The following GOLPH3L variants were observed in gnomAD, a reference collection of about 807,000 sequenced individuals.
GOLPH3L encodes the protein golgi phosphoprotein 3 like, also known as Golgi phosphoprotein 3-like.
A neutral mutation model predicts 30.3 loss-of-function variants in GOLPH3L; 22 were observed. The observed-to-expected ratio is 0.73, with a 90% CI of 0.52 to 1.04. The LOEUF (loss-of-function observed/expected upper bound fraction) is 1.04. Ranked by LOEUF, GOLPH3L falls within the 50% of genes least tolerant of loss-of-function variation. The probability of loss-of-function intolerance (pLI) is 0.00; values close to 1 mark genes in which losing one functional copy is unlikely to be tolerated. For missense variants in GOLPH3L, 303 were observed against 345.8 expected, an observed-to-expected ratio of 0.88 and a Z score of 0.98; for synonymous variants, 120 against 128.2, an observed-to-expected ratio of 0.94 and a Z score of 0.43.
In GOLPH3L at chr1:150,673,653, G is replaced by A. The variant is rs587609974; in HGVS notation, c.184-9890C>T. ...GAGCAAAAATTTGAAAACAGGCCAG[G>A]CTCAGTGGCTCACGCCAGTAATCCT... On this transcript the variant is annotated intron_variant, in intron 2 of 4. Transcript: ENST00000271732. 3.3e-5 allele frequency among the ~76,000 whole-genome samples: 5 copies of A among 152,190 alleles called. No homozygotes were observed. In the South Asian group the frequency reaches 1.0e-3, roughly 32 times the overall value.
chr1:150,684,980 T>C (rs1330834321), intron 2 of GOLPH3L, among the ~76,000 whole-genome samples: 1 of 152,188 alleles, frequency 6.6e-6, no homozygotes, highest in Non-Finnish European at 1.5e-5. Context: ...AATATGATAA[T>C]TATAATTAAA....
At chr1:150,670,513 C>T (rs2101798491) in intron 2 of GOLPH3L, among the ~76,000 whole-genome samples, 1 of 152,158 alleles carries the variant, frequency 6.6e-6, no homozygotes, top group South Asian at 2.1e-4. Context: ...AGGAGAATGG[C>T]ATGAACCCAG....
At chr1:150,691,385 G>T (rs1191337472) in intron 2 of GOLPH3L, among the ~76,000 whole-genome samples, 1 of 151,894 alleles carries the variant, frequency 6.6e-6, no homozygotes, top group Non-Finnish European at 1.5e-5. Context: ...GCATGGTGGC[G>T]GGTGCCTGTA....
At chr1:150,655,758 G>A (rs914424745) in intron 4 of GOLPH3L, among the ~76,000 whole-genome samples, 4 of 152,092 alleles carry the variant, frequency 2.6e-5, no homozygotes, top group Admixed American at 6.6e-5. Flanking sequence ...TCCAGTTTTC[G>A]CAATTAAGAA....
At chr1:150,662,762 A>T (rs1343119245) in intron 3 of GOLPH3L, among the ~76,000 whole-genome samples, 2 of 152,208 alleles carry the variant, frequency 1.3e-5, no homozygotes, top group Non-Finnish European at 2.9e-5. Flanking sequence ...AAAGTGATAA[A>T]AAGTGTCAAA....
chr1:150,663,557 C>A, intron 3 of GOLPH3L, 75 bp downstream of exon 3: 3 of 1,352,214 alleles, frequency 2.2e-6, no homozygotes. Context: ...CTACTCAAAT[C>A]TTTCTATTCT....
rs757557708 is a variant in GOLPH3L, at chr1:150,695,816, G to A, written c.-12-966C>T. ...AGTAAACTTAGCAGCTCTAGTCCTA[G>A]CTAGCCATATCTTGCAAATACACAA... On this transcript the variant is annotated intron_variant, in intron 1 of 4. Coordinates refer to ENST00000271732, the MANE Select transcript of GOLPH3L (RefSeq NM_018178.6). 3.6e-3 allele frequency among the ~76,000 whole-genome samples: 546 copies of A among 152,048 alleles called. 3 individuals are homozygous for A. Among genetic ancestry groups the A allele is most frequent in the Non-Finnish European group, 6.3e-3 (429 of 68,004 alleles).
At chr1:150,688,980 A>C (rs911178019) in intron 2 of GOLPH3L, among the ~76,000 whole-genome samples, 3 of 152,064 alleles carry the variant, frequency 2.0e-5, no homozygotes, top group African/African-American at 7.2e-5. Flanking sequence ...ATGCCACTAA[A>C]CCATAAATTG....
intron 2 of GOLPH3L, among the ~76,000 whole-genome samples, chr1:150,674,614 C>T (rs1650727958): frequency 6.6e-6 from 1 of 151,864 alleles, no homozygotes; most frequent in Non-Finnish European, 1.5e-5. Flanking sequence ...GTGGCTCCTA[C>T]CTATAATCCC....
Position 150,648,101 on chromosome 1 carries a change from A to C in GOLPH3L, c.*220T>G. The C allele has an allele frequency of 2.2e-6, 1 of 454,028 alleles. No individual in the cohort carries two copies. The highest frequency in any genetic ancestry group is 3.9e-6 in the Non-Finnish European group (1 of 258,278). 28.1% of individuals were successfully genotyped at this position (454,028 alleles called of 1,614,324 possible). ...TCATTGGGTGTGTGTGGCTTCACCC[A>C]GTTTATTTACCTATGGAGTGGAAGT... On this transcript the variant is annotated 3_prime_UTR_variant, in exon 5 of 5. Coordinates refer to ENST00000271732, the MANE Select transcript of GOLPH3L (RefSeq NM_018178.6).
intron 2 of GOLPH3L, among the ~76,000 whole-genome samples, chr1:150,691,998 T>G (rs189743383): frequency 3.9e-5 from 6 of 152,226 alleles, no homozygotes; most frequent in Admixed American, 3.3e-4. Flanking sequence ...TTTTTGTCTC[T>G]CCAGCTAGAA....
chr1:150,687,492 T>C (rs587750257), intron 2 of GOLPH3L, among the ~76,000 whole-genome samples: 4 of 152,018 alleles, frequency 2.6e-5, no homozygotes, highest in East Asian at 1.9e-4. Flanking sequence ...CACAGGAGAA[T>C]TGAACGCGGG....
At chr1:150,673,068 G>A (rs1467425256) in intron 2 of GOLPH3L, among the ~76,000 whole-genome samples, 2 of 152,018 alleles carry the variant, frequency 1.3e-5, no homozygotes, top group Non-Finnish European at 2.9e-5. Flanking sequence ...AAAGGGAAAT[G>A]CAAAATAAAG....
chr1:150,672,033 G>GA (rs1381192279), intron 2 of GOLPH3L, among the ~76,000 whole-genome samples: 1 of 151,852 alleles, frequency 6.6e-6, no homozygotes, highest in Non-Finnish European at 1.5e-5. Context: ...TCTACAGTGA[G>GA]AAAATATCAC....
intron 2 of GOLPH3L, among the ~76,000 whole-genome samples, chr1:150,672,533 C>T (rs919174316): frequency 2.6e-5 from 4 of 152,130 alleles, no homozygotes; most frequent in Admixed American, 6.6e-5. Context: ...CAGGTTCAAG[C>T]GATTCTCCTG....
intron 2 of GOLPH3L, among the ~76,000 whole-genome samples, chr1:150,689,038 A>G (rs1315155854): frequency 6.6e-6 from 1 of 152,134 alleles, no homozygotes. Flanking sequence ...TCTATGACAT[A>G]TGAGTCATTC....
intron 2 of GOLPH3L, among the ~76,000 whole-genome samples, chr1:150,693,797 ATGTG>A (rs796936730): frequency 1.6e-4 from 10 of 60,964 alleles, no homozygotes; most frequent in African/African-American, 7.0e-4. Flanking sequence ...TTGTTTATGT[ATGTG>A]TGTGTGTGTG....
chr1:150,648,264 T>C lies in GOLPH3L; in HGVS notation c.*57A>G, dbSNP rs1264139048. On this transcript the variant is annotated 3_prime_UTR_variant, in exon 5 of 5. Coordinates refer to ENST00000271732, the MANE Select transcript of GOLPH3L (RefSeq NM_018178.6). ...CATCTCATCACACAAAACTCAGTGA[T>C]GGGGTCTCTGACAGTCACCAGCCAG... is the stretch of plus-strand genomic sequence containing the variant. 3 of 1,184,114 alleles carry C rather than the reference T, an allele frequency of 2.5e-6. No homozygotes were observed. The highest frequency in any genetic ancestry group is 2.4e-6 in the Non-Finnish European group (2 of 828,850). 73.4% of individuals were successfully genotyped at this position (1,184,114 alleles called of 1,614,324 possible).
intron 2 of GOLPH3L, among the ~76,000 whole-genome samples, chr1:150,683,312 G>A (rs959061330): frequency 6.6e-5 from 10 of 151,908 alleles, no homozygotes; most frequent in Non-Finnish European, 1.5e-4. Context: ...CGAGGCGGGC[G>A]GATCACGAGG....
Sources: gnomAD v4.1 joint callset for allele counts (sites outside exome capture counted in the v4.1 genomes callset) on GRCh38, gnomAD v4.1.1 for gene constraint, MANE v1.5 for transcripts, NCBI Gene and HGNC (gene_info 2026-07-23, HGNC 2026-07-21) for gene names.